Variants in EVC observed in about 807,000 individuals in gnomAD.
The protein encoded by EVC is evC complex member EVC.
EVC carries 116 observed loss-of-function variants against 118.9 expected under a neutral mutation model. The ratio of observed to expected loss-of-function variants is 0.98; its 90% confidence interval spans 0.84 to 1.14. EVC has a LOEUF of 1.14. Among genes scored for constraint, EVC ranks in the 50% most tolerant of loss-of-function variants. The pLI is 0.00. For missense variants in EVC, 1,401 were observed against 1,246.4 expected, an observed-to-expected ratio of 1.12 and a Z score of -1.87; for synonymous variants, 619 against 534.7, an observed-to-expected ratio of 1.16 and a Z score of -2.18.
chr4:5,801,849 A>G, intron 15 of EVC, 101 bp from the exon 16 acceptor site: 1 of 1,370,352 alleles, frequency 7.3e-7, no homozygotes. Context: ...GAGTAGGTGG[A>G]AGATCTGAAC....
intron 11 of EVC, among the ~76,000 whole-genome samples, chr4:5,776,780 C>G (rs529556422): frequency 2.0e-5 from 3 of 152,290 alleles, no homozygotes; most frequent in African/African-American, 7.2e-5. Context: ...ACCTAAACTG[C>G]TATTAAACCT....
the EVC span, chr4:5,824,198 A>G: frequency 1.9e-5 from 13 of 689,214 alleles, no homozygotes; most frequent in Non-Finnish European, 2.3e-5. Flanking sequence ...CCAGTTTGCA[A>G]ACTCCTTGAG....
chr4:5,828,656 T>C, the EVC span: 1 of 1,614,016 alleles, frequency 6.2e-7, no homozygotes, highest in Non-Finnish European at 8.5e-7. Flanking sequence ...TCGAAGATGT[T>C]GTACTCCACC....
intron 12 of EVC, among the ~76,000 whole-genome samples, chr4:5,793,025 C>CGAAA (rs1713084274): frequency 6.6e-6 from 1 of 152,016 alleles, no homozygotes; most frequent in African/African-American, 2.4e-5. Flanking sequence ...TCTTTTTTCC[C>CGAAA]CTAAACTTGA....
chr4:5,816,786 A>C (rs986652873), downstream of EVC, among the ~76,000 whole-genome samples: 3 of 146,852 alleles, frequency 2.0e-5, no homozygotes, highest in Admixed American at 2.1e-4. Context: ...CTCTCTCCTC[A>C]TTTTGCCTCA....
intron 1 of EVC, among the ~76,000 whole-genome samples, chr4:5,713,676 CAAAAAA>C (rs35032068): frequency 2.0e-4 from 14 of 71,748 alleles, no homozygotes; most frequent in African/African-American, 8.1e-4. Context: ...GGCTCCGTCT[CAAAAAA>C]AAAAAAAAAA....
At chr4:5,762,363 C>T (rs1265234637) in intron 11 of EVC, among the ~76,000 whole-genome samples, 14 of 137,970 alleles carry the variant, frequency 1.0e-4, no homozygotes, top group Non-Finnish European at 1.6e-4. Context: ...AATAAACATA[C>T]GTGTGCATGT....
intron 1 of EVC, among the ~76,000 whole-genome samples, chr4:5,717,464 G>A (rs1724164404): frequency 6.6e-6 from 1 of 152,126 alleles, no homozygotes; most frequent in South Asian, 2.1e-4. Flanking sequence ...TTCAAGTGAT[G>A]CTGATGCTCC....
chr4:5,748,570 A>ATCCATCCG (rs1421252682), intron 8 of EVC, among the ~76,000 whole-genome samples: 2 of 98,652 alleles, frequency 2.0e-5, no homozygotes, highest in African/African-American at 4.3e-5. Context: ...CCATTTATCC[A>ATCCATCCG]TCCATCCATC....
At chr4:5,726,527 C>T (rs1428470955) in intron 2 of EVC, among the ~76,000 whole-genome samples, 4 of 150,500 alleles carry the variant, frequency 2.7e-5, no homozygotes, top group African/African-American at 9.8e-5. Context: ...GTGTGTTGTG[C>T]CACTATGCAA....
intron 11 of EVC, among the ~76,000 whole-genome samples, chr4:5,761,195 G>T (rs1000568459): frequency 6.6e-6 from 1 of 152,044 alleles, no homozygotes; most frequent in Non-Finnish European, 1.5e-5. Context: ...GAGGAGAGCA[G>T]GTCCAAGGCC....
chr4:5,822,076 TGTG>T, the EVC span, among the ~76,000 whole-genome samples: 1 of 152,228 alleles, frequency 6.6e-6, no homozygotes, highest in East Asian at 1.9e-4. Context: ...CTGACCACCT[TGTG>T]GTGTTCTTGT....
At chr4:5,777,532 T>G (rs1487375705) in intron 11 of EVC, among the ~76,000 whole-genome samples, 1 of 152,140 alleles carries the variant, frequency 6.6e-6, no homozygotes, top group African/African-American at 2.4e-5. Flanking sequence ...GGCATGCCCC[T>G]CCAGATGTGT....
At chr4:5,824,620 A>T in the EVC span, 1 of 950,502 alleles carries the variant, frequency 1.1e-6, no homozygotes, top group African/African-American at 1.8e-5. Flanking sequence ...ATGACCTGAG[A>T]ATAGTTTGTA....
rs776989981 is a variant in EVC, at chr4:5,733,383, A to G, written c.650A>G (p.His217Arg). ...GTTGACCTGTGTATCTACAGCCTTC[A>G]CTTAAAAGACCTGCTGCATTTGGAC... ...VDVDLCIYSL[H>R]LKDLLHLDTA... Residue 217 changes from histidine to arginine, a missense_variant, in exon 5 of 21, where the codon CAC becomes CGC. Coordinates refer to ENST00000264956, the MANE Select transcript of EVC (RefSeq NM_153717.3). 12 of 1,614,106 alleles carry G rather than the reference A, an allele frequency of 7.4e-6. No homozygotes were observed. In the East Asian group the frequency reaches 1.1e-4, roughly 15 times the overall value.
At chr4:5,771,269 A>G (rs1007031493) in intron 11 of EVC, among the ~76,000 whole-genome samples, 2 of 152,096 alleles carry the variant, frequency 1.3e-5, no homozygotes, top group African/African-American at 2.4e-5. Context: ...TGACTTTTCC[A>G]GTTTCTAAAG....
At position 5,811,034 on chromosome 4, in the gene EVC, G is replaced by A. The variant is rs1577673719; in HGVS notation, c.2976G>A (p.Leu992=). 1 of 1,610,538 alleles carries A rather than the reference G, an allele frequency of 6.2e-7. No homozygotes were observed. ...AGATGCTAAAGAGAAGAAGCAACTT[G>A]TAGTTTAAGACCAGTCGGTGGGACA... ...SKKMLKRRSN[L] is the part of the protein sequence containing the mutation. The change falls in exon 21 of 21, where the codon TTG becomes TTA. Residue 992 remains leucine, a synonymous_variant. Coordinates refer to ENST00000264956, the MANE Select transcript of EVC (RefSeq NM_153717.3).
chr4:5,758,109 G>A (rs910445973), intron 11 of EVC: 1 of 702,310 alleles, frequency 1.4e-6, no homozygotes, highest in African/African-American at 1.7e-5. Context: ...AGAGACACAG[G>A]GAAGGAGGCT....
chr4:5,750,676 G>C (rs1452636675), intron 8 of EVC, among the ~76,000 whole-genome samples: 1 of 152,208 alleles, frequency 6.6e-6, no homozygotes, highest in Non-Finnish European at 1.5e-5. Context: ...AGACTTGGCA[G>C]TATGTAAAGT....
Sources: allele counts gnomAD v4.1 joint callset (sites outside exome capture counted in the v4.1 genomes callset), GRCh38; gene constraint gnomAD v4.1.1; transcripts MANE v1.5; gene names NCBI Gene and HGNC (gene_info 2026-07-23, HGNC 2026-07-21).